The following LRCH3 variants were observed in gnomAD, a reference collection of about 807,000 sequenced individuals.
LRCH3 encodes leucine rich repeats and calponin homology domain containing 3, also known as DISP complex protein LRCH3.
A neutral mutation model predicts 104.5 loss-of-function variants in LRCH3; 68 were observed. That is an observed-to-expected ratio of 0.65 (90% CI 0.54 to 0.80). The LOEUF is 0.80. Among genes scored for constraint, LRCH3 ranks in the 30% least tolerant of loss-of-function variants. LRCH3 has a pLI of 0.00. For synonymous variants in LRCH3, 344 were observed against 361.3 expected (o/e 0.95, Z 0.54); for missense variants, 951 against 953.9 (o/e 1.00, Z 0.04).
At chr3:197,855,456 T>G (rs1740123738) in intron 14 of LRCH3, among the ~76,000 whole-genome samples, 1 of 152,212 alleles carries the variant, frequency 6.6e-6, no homozygotes, top group African/African-American at 2.4e-5. Context: ...CGCAGCAACC[T>G]TAAGAGTGAA....
chr3:197,854,460 C>G lies in LRCH3; in HGVS notation c.1644+15C>G, dbSNP rs762378584. ...CCTTGTGCATGGTAAGAGTTTTGCA[C>G]AAAACGGAGTTTCGCATTTCTGTGT... On this transcript the variant is annotated intron_variant, in intron 14 of 20. Transcript: ENST00000425562. This position sits in a 1 kb window ranked among gnomAD's most constrained non-coding sequence, Gnocchi z 4.5. The G allele has an allele frequency of 1.2e-6, 2 of 1,613,004 alleles. No homozygotes were observed. The highest frequency in any genetic ancestry group is 2.2e-5 in the South Asian group (2 of 91,060).
chr3:197,809,076 T>C (rs1422773314), intron 1 of LRCH3, among the ~76,000 whole-genome samples: 3 of 152,038 alleles, frequency 2.0e-5, no homozygotes, highest in African/African-American at 7.2e-5. Context: ...GGCAGGAGGA[T>C]CACTTGAGGT....
In LRCH3 at chr3:197,879,585, G is replaced by C. The variant is rs1007119872; in HGVS notation, c.2208+3810G>C. ...GGCGGGAACCCGGGAGGCGGAGCTT[G>C]CAGTGAGCCGAGATCAGCGAGACTC... is the stretch of plus-strand genomic sequence containing the variant. On this transcript the variant is annotated intron_variant, in intron 20 of 20. Transcript: ENST00000425562. Among the ~76,000 whole-genome samples, 5 of 151,976 alleles carry C rather than the reference G, an allele frequency of 3.3e-5. 1 individual carries two copies. The highest frequency in any genetic ancestry group is 1.2e-4 in the African/African-American group (5 of 41,346).
At chr3:197,834,783 A>G (rs1484874766) in intron 8 of LRCH3, among the ~76,000 whole-genome samples, 1 of 152,224 alleles carries the variant, frequency 6.6e-6, no homozygotes, top group East Asian at 1.9e-4. Flanking sequence ...CAATTGCTAC[A>G]TTCTTTAGTG....
At chr3:197,836,709 ACT>A (rs1294607566) in intron 9 of LRCH3, among the ~76,000 whole-genome samples, 1 of 152,138 alleles carries the variant, frequency 6.6e-6, no homozygotes, top group African/African-American at 2.4e-5. Flanking sequence ...AAGCAGAGTC[ACT>A]CTGTCGCCCA....
intron 18 of LRCH3, 41 bp downstream of exon 18, chr3:197,870,319 T>C: frequency 3.8e-6 from 6 of 1,573,134 alleles, no homozygotes; most frequent in Non-Finnish European, 5.2e-6. Context: ...TCAGTATTAC[T>C]GCTATAGATC....
intron 12 of LRCH3, chr3:197,852,350 A>T: frequency 1.9e-6 from 1 of 524,926 alleles, no homozygotes; most frequent in East Asian, 3.1e-5. Flanking sequence ...TAAGAGGTCA[A>T]TATTCTGATT....
Position 197,847,942 on chromosome 3 carries a change from A to G in LRCH3, c.1451A>G (p.Gln484Arg). 1 of 1,614,114 alleles carries G rather than the reference A, an allele frequency of 6.2e-7. No homozygotes were observed. Among genetic ancestry groups the G allele is most frequent in the Non-Finnish European group, 8.5e-7 (1 of 1,179,956 alleles). The change falls in exon 12 of 21, where the codon CAG becomes CGG. Residue 484 changes from glutamine to arginine, a missense_variant. Transcript: ENST00000425562. ...QLVERTRREA[Q>R]LAALQYEEEK... ...GTAGAGCGCACTCGGAGAGAGGCTC[A>G]GCTTGCTGCCCTGCAGTATGAGGAG... is the stretch of plus-strand genomic sequence containing the variant.
Position 197,819,009 on chromosome 3 carries a change from C to T in LRCH3, c.535-1316C>T, listed in dbSNP as rs867053719. On this transcript the variant is annotated intron_variant, in intron 3 of 20. Transcript: ENST00000425562. ...GGCGTGGTGGCACGCACCTGTTATC[C>T]CAGCAACTTGGGAGGCTGAGGCAGG... Among the ~76,000 whole-genome samples, 5 of 152,004 alleles carry T rather than the reference C, an allele frequency of 3.3e-5. No homozygotes were observed. The South Asian group carries it at 6.2e-4, about 19-fold the overall frequency.
chr3:197,839,301 A>T lies in LRCH3; in HGVS notation c.1252-20A>T, dbSNP rs201706523. ...CTGGATTAATATACTAAATTTATTT[A>T]TTTCTGTCCTCTGGCCTAGGGTTCA... is the stretch of plus-strand genomic sequence containing the variant. On this transcript the variant is annotated intron_variant, in intron 9 of 20. Transcript: ENST00000425562. 1.5e-3 allele frequency: 2,242 copies of T among 1,535,002 alleles called. 2 individuals carry two copies. The highest frequency in any genetic ancestry group is 0.011 in the Middle Eastern group (66 of 5,750).
At position 197,871,371 on chromosome 3, in the gene LRCH3, C is replaced by T. The variant is rs748153436; in HGVS notation, c.2039C>T (p.Ala680Val). ...LKVSLPCDLG[A>V]ALTDGVVLCH... ...GTGTCTCTACCTTGTGATCTCGGAG[C>T]AGCTCTAACTGACGGTGTTGTTCTT... The change falls in exon 19 of 21, where the codon GCA becomes GTA. Residue 680 changes from alanine (A) to valine (V), a missense_variant. Transcript: ENST00000425562. 1.3e-5 allele frequency: 21 copies of T among 1,613,898 alleles called. No homozygotes were observed. The highest frequency in any genetic ancestry group is 1.6e-4 in the Middle Eastern group (1 of 6,084).
At chr3:197,826,453 T>C (rs1369372241) in intron 4 of LRCH3, among the ~76,000 whole-genome samples, 1 of 152,222 alleles carries the variant, frequency 6.6e-6, no homozygotes, top group Non-Finnish European at 1.5e-5. Context: ...CCGAGCATTT[T>C]TGATTCAATT....
rs201872936 is a variant in LRCH3, at chr3:197,835,654, T to G, written c.1103-20T>G. 93 of 1,583,078 alleles carry G rather than the reference T, an allele frequency of 5.9e-5. No individual in the cohort carries two copies. Among genetic ancestry groups the G allele is most frequent in the Middle Eastern group, 1.7e-4 (1 of 5,840 alleles). On this transcript the variant is annotated intron_variant, in intron 8 of 20. Coordinates refer to ENST00000425562, the MANE Select transcript of LRCH3 (RefSeq NM_001365715.1). ...TTTCTGGTGTGTGTGTGTGTGTGGG[T>G]GTGTGTGTGGTGTATACAGTGGAAC...
At chr3:197,846,434 C>G (rs940589887) in intron 10 of LRCH3, among the ~76,000 whole-genome samples, 1 of 146,978 alleles carries the variant, frequency 6.8e-6, no homozygotes, top group East Asian at 2.0e-4. Context: ...GTGGCTCACA[C>G]GCCTGTAATC....
chr3:197,796,665 A>C (rs1443649591), intron 1 of LRCH3, among the ~76,000 whole-genome samples: 1 of 152,208 alleles, frequency 6.6e-6, no homozygotes, highest in Non-Finnish European at 1.5e-5. Flanking sequence ...TAAGTTGTAA[A>C]TACTATTTTT....
intron 11 of LRCH3, 56 bp downstream of exon 11, chr3:197,847,516 CTTTTA>C: frequency 1.4e-6 from 2 of 1,459,782 alleles, no homozygotes; most frequent in Non-Finnish European, 1.9e-6. Context: ...GATTTTTTTT[CTTTTA>C]TAATACTTAA....
At position 197,865,386 on chromosome 3, in the gene LRCH3, G is replaced by C. The variant is rs773622551; in HGVS notation, c.1717-37G>C. On this transcript the variant is annotated intron_variant, in intron 15 of 20. Transcript: ENST00000425562. Reference sequence around the variant, plus strand: ...ATAAAAGTAGAAAGTATTTCTTCTTGAATAACAATTATTGATATATGTCTG... The same window carrying C: ...ATAAAAGTAGAAAGTATTTCTTCTTCAATAACAATTATTGATATATGTCTG... 43 of 1,385,380 alleles carry C rather than the reference G, an allele frequency of 3.1e-5. 2 individuals are homozygous for C. Among genetic ancestry groups the C allele is most frequent in the South Asian group, 2.7e-4 (22 of 81,474 alleles). 85.8% of individuals were successfully genotyped at this position (1,385,380 alleles called of 1,614,324 possible).
At chr3:197,860,100 G>A (rs1383083237) in intron 15 of LRCH3, among the ~76,000 whole-genome samples, 1 of 152,072 alleles carries the variant, frequency 6.6e-6, no homozygotes, top group Non-Finnish European at 1.5e-5. Context: ...CTGTCTCCCA[G>A]GCTGGATCCT....
intron 9 of LRCH3, among the ~76,000 whole-genome samples, chr3:197,837,609 T>C (rs902832862): frequency 2.0e-5 from 3 of 152,210 alleles, no homozygotes; most frequent in Non-Finnish European, 4.4e-5. Context: ...TTATTTAATT[T>C]TATTATAATA....
Sources: gnomAD v4.1 joint callset for allele counts (sites outside exome capture counted in the v4.1 genomes callset) on GRCh38, gnomAD v4.1.1 for gene constraint, Gnocchi (gnomAD v3.1) non-coding constraint, MANE v1.5 for transcripts, NCBI Gene and HGNC (gene_info 2026-07-23, HGNC 2026-07-21) for gene names.